Variants in TMEM11 observed in about 807,000 individuals in gnomAD.
TMEM11 encodes transmembrane protein 11, also known as transmembrane protein 11, mitochondrial.
Under a neutral mutation model 17.0 loss-of-function variants are expected in TMEM11, and 1 was observed. That is an observed-to-expected ratio of 0.06 (90% CI 0.02 to 0.28). The LOEUF is 0.28. Ranked by LOEUF, TMEM11 falls within the 10% of genes least tolerant of loss-of-function variation. TMEM11 has a pLI of 1.00. For synonymous variants in TMEM11, 122 were observed against 118.1 expected, an observed-to-expected ratio of 1.03 and a Z score of -0.21; for missense variants, 172 against 252.9, an observed-to-expected ratio of 0.68 and a Z score of 2.17.
intron 1 of TMEM11, chr17:21,211,252 A>T: frequency 7.8e-7 from 1 of 1,285,320 alleles, no homozygotes; most frequent in South Asian, 1.2e-5. Context: ...GTGGAGAGAA[A>T]AATCAACATG....
chr17:21,204,435 TAAAAAAAAAA>T (rs71160127), intron 1 of TMEM11, among the ~76,000 whole-genome samples: 37 of 96,842 alleles, frequency 3.8e-4, no homozygotes, highest in African/African-American at 1.4e-3. Flanking sequence ...TCCGTCTCAA[TAAAAAAAAAA>T]AAAAAAAAAA....
At chr17:21,209,315 C>T (rs1365150714) in intron 1 of TMEM11, among the ~76,000 whole-genome samples, 3 of 152,220 alleles carry the variant, frequency 2.0e-5, no homozygotes, top group Non-Finnish European at 4.4e-5. Flanking sequence ...ACACCCGGCC[C>T]CTCTGAGCCA....
At chr17:21,207,351 G>A (rs1047304139) in intron 1 of TMEM11, among the ~76,000 whole-genome samples, 12 of 151,836 alleles carry the variant, frequency 7.9e-5, no homozygotes, top group African/African-American at 2.9e-4. Context: ...CCAATGTGGT[G>A]AAACTGTGTC....
chr17:21,211,017 G>T, intron 1 of TMEM11: 2 of 1,289,836 alleles, frequency 1.6e-6, no homozygotes, highest in Non-Finnish European at 2.0e-6. Context: ...GACAGGCAGG[G>T]CTGTCTGTGA....
intron 1 of TMEM11, among the ~76,000 whole-genome samples, chr17:21,205,350 ACT>A (rs1273584026): frequency 2.6e-5 from 4 of 152,078 alleles, no homozygotes; most frequent in Admixed American, 6.6e-5. Context: ...CAGGGATACA[ACT>A]CTCACACATT....
intron 1 of TMEM11, chr17:21,213,733 G>A (rs1342318254): frequency 3.7e-6 from 1 of 272,874 alleles, no homozygotes; most frequent in East Asian, 9.0e-5. Context: ...CGCGTGCCCA[G>A]GCGGGAAGGG....
chr17:21,211,903 C>T (rs1975006828), intron 1 of TMEM11, among the ~76,000 whole-genome samples: 8 of 152,240 alleles, frequency 5.3e-5, no homozygotes, highest in Admixed American at 5.2e-4. Flanking sequence ...AAACAGCCTA[C>T]TTCAGTCATA....
chr17:21,203,288 A>C (rs1177932368), intron 1 of TMEM11, among the ~76,000 whole-genome samples: 4 of 152,104 alleles, frequency 2.6e-5, no homozygotes, highest in Non-Finnish European at 5.9e-5. Context: ...GGCAGTCAGC[A>C]CTCCAACTTC....
chr17:21,212,520 C>A (rs1391595231), intron 1 of TMEM11, among the ~76,000 whole-genome samples: 2 of 152,260 alleles, frequency 1.3e-5, no homozygotes, highest in African/African-American at 4.8e-5. Context: ...CTCTTAAAAA[C>A]TGTTGAGGTT....
At chr17:21,201,275 CG>C (rs1181930989) in intron 1 of TMEM11, among the ~76,000 whole-genome samples, 1 of 152,202 alleles carries the variant, frequency 6.6e-6, no homozygotes, top group Non-Finnish European at 1.5e-5. Context: ...CTTGGGCAAA[CG>C]GAACTCTTTA....
intron 1 of TMEM11, among the ~76,000 whole-genome samples, chr17:21,212,054 TTATGTTTCCATCCCCTGCTC>T (rs1173423620): frequency 2.6e-5 from 4 of 151,858 alleles, no homozygotes; most frequent in Non-Finnish European, 5.9e-5. Flanking sequence ...CCACAGCGGG[TTATGTTTCCATCCCCTGCTC>T]AGCATGGGAA....
In TMEM11 at chr17:21,214,084, A is replaced by T. The variant is rs1456707698; in HGVS notation, c.62+7T>A. On this transcript the variant is annotated splice_region_variant and intron_variant, in intron 1 of 1. Transcript: ENST00000317635. Reference sequence around the variant, plus strand: ...TGCACTGGGGGCAACAAGCCCTTGGATCTCACCTCTCTCGGGCGCTGCCGC... The same window carrying T: ...TGCACTGGGGGCAACAAGCCCTTGGTTCTCACCTCTCTCGGGCGCTGCCGC... The T allele has an allele frequency of 9.3e-6, 15 of 1,609,036 alleles. No individual in the cohort carries two copies. Among genetic ancestry groups the T allele is most frequent in the Non-Finnish European group, 1.3e-5 (15 of 1,178,932 alleles).
At chr17:21,201,833 T>C (rs1448070622) in intron 1 of TMEM11, among the ~76,000 whole-genome samples, 1 of 152,216 alleles carries the variant, frequency 6.6e-6, no homozygotes, top group African/African-American at 2.4e-5. Context: ...GGTTATGCCA[T>C]GTTGCCCAGG....
At chr17:21,205,043 G>A (rs1229865277) in intron 1 of TMEM11, among the ~76,000 whole-genome samples, 1 of 152,032 alleles carries the variant, frequency 6.6e-6, no homozygotes, top group Non-Finnish European at 1.5e-5. Context: ...CTCCACTTTT[G>A]AGCCCAACTC....
In TMEM11 at chr17:21,198,329, C is replaced by A. The variant is rs541612728; in HGVS notation, c.574G>T (p.Val192Leu). 1.1e-5 allele frequency: 18 copies of A among 1,608,624 alleles called. No individual in the cohort carries two copies. In the East Asian group the frequency reaches 3.8e-4, roughly 34 times the overall value. ...CGCTCCCTGTTCTACTGAAATCATA[C>A]GGCATAGAGTTCGTAAATCTTCTTT... is the stretch of plus-strand genomic sequence containing the variant. Reference protein sequence around the residue: ...CVKKIYELYAV With the variant: ...CVKKIYELYAL The change falls in exon 2 of 2, where the codon GTA (valine) becomes TTA (leucine). Residue 192 changes from valine (V) to leucine (L), a missense_variant. Physicochemically the swap from Val to Leu is conservative, Grantham distance 32 (BLOSUM62 1). This residue lies in a region of TMEM11 where 123 missense variants were observed against 213.6 expected (regional missense o/e 0.58). Transcript: ENST00000317635. The surrounding 1 kb of genome is among the most constrained non-coding windows in gnomAD (Gnocchi z 6.5).
At chr17:21,199,883 G>T (rs1181475179) in intron 1 of TMEM11, among the ~76,000 whole-genome samples, 1 of 152,200 alleles carries the variant, frequency 6.6e-6, no homozygotes, top group Non-Finnish European at 1.5e-5. Flanking sequence ...ACAGTAGTGG[G>T]CTCCAAATTT....
intron 1 of TMEM11, among the ~76,000 whole-genome samples, chr17:21,203,426 C>T (rs1299416388): frequency 2.0e-5 from 3 of 152,192 alleles, no homozygotes; most frequent in Non-Finnish European, 2.9e-5. Context: ...TTCAGAAATT[C>T]GTGGCCATGA....
At chr17:21,208,300 T>C (rs1974966684) in intron 1 of TMEM11, 1 of 152,200 alleles carries the variant, frequency 6.6e-6, no homozygotes, top group Non-Finnish European at 1.5e-5. Flanking sequence ...CCAAAGTGTT[T>C]CTTTTATAAC....
chr17:21,212,713 CAGATGCTTTTAGTCCAACA>C (rs1322497653), intron 1 of TMEM11, among the ~76,000 whole-genome samples: 3 of 152,240 alleles, frequency 2.0e-5, no homozygotes, highest in African/African-American at 7.2e-5. Context: ...CGGCTCTTTT[CAGATGCTTTTAGTCCAACA>C]AGAGGGCGTA....
Sources: allele counts gnomAD v4.1 joint callset (sites outside exome capture counted in the v4.1 genomes callset), GRCh38; gene constraint gnomAD v4.1.1; regional missense constraint gnomAD v4.1.1; non-coding constraint Gnocchi (gnomAD v3.1); transcripts MANE v1.5; gene names NCBI Gene and HGNC (gene_info 2026-07-23, HGNC 2026-07-21).